Variants in CAMK2D observed in about 807,000 individuals in gnomAD.
The protein encoded by CAMK2D is calcium/calmodulin-dependent protein kinase type II subunit delta.
A neutral mutation model predicts 84.0 loss-of-function variants in CAMK2D; 37 were observed. The ratio of observed to expected loss-of-function variants is 0.44; its 90% CI spans 0.34 to 0.58. CAMK2D has a LOEUF of 0.58. Ranked by LOEUF, CAMK2D falls within the 20% of genes least tolerant of loss-of-function variation. The probability of loss-of-function intolerance (pLI) is 0.02; values close to 1 mark genes in which losing one functional copy is unlikely to be tolerated. For missense variants in CAMK2D, 448 were observed against 652.5 expected (o/e 0.69, Z 3.41); for synonymous variants, 202 against 212.5 (o/e 0.95, Z 0.43).
intron 9 of CAMK2D, among the ~76,000 whole-genome samples, chr4:113,516,934 A>C (rs1204643724): frequency 6.6e-6 from 1 of 152,112 alleles, no homozygotes; most frequent in Non-Finnish European, 1.5e-5. Context: ...CCATAAAGAG[A>C]AAGTAGATAA....
At chr4:113,716,384 T>C (rs995033810) in intron 2 of CAMK2D, among the ~76,000 whole-genome samples, 9 of 152,164 alleles carry the variant, frequency 5.9e-5, no homozygotes, top group African/African-American at 2.2e-4. Flanking sequence ...GCATGGTGGC[T>C]CACACCTGAA....
chr4:113,627,147 G>A (rs1255660449), intron 3 of CAMK2D, among the ~76,000 whole-genome samples: 5 of 152,010 alleles, frequency 3.3e-5, no homozygotes, highest in Non-Finnish European at 7.4e-5. Flanking sequence ...AAAAAAAGCA[G>A]AGAAAAAATA....
At chr4:113,748,917 T>C (rs1264701393) in intron 2 of CAMK2D, among the ~76,000 whole-genome samples, 2 of 151,888 alleles carry the variant, frequency 1.3e-5, no homozygotes, top group African/African-American at 4.8e-5. Flanking sequence ...TGTCTGAAGT[T>C]TGTAATTCTA....
At chr4:113,677,659 G>C (rs192625184) in intron 2 of CAMK2D, 1 of 279,050 alleles carries the variant, frequency 3.6e-6, no homozygotes, top group Non-Finnish European at 5.4e-6. Flanking sequence ...GAACTGAGTA[G>C]ATTCTAGTAA....
intron 2 of CAMK2D, among the ~76,000 whole-genome samples, chr4:113,720,366 TCACACACA>T (rs70961845): frequency 4.7e-5 from 7 of 148,554 alleles, no homozygotes; most frequent in African/African-American, 1.7e-4. Flanking sequence ...AATCACATTC[TCACACACA>T]CACACACACA....
At chr4:113,618,442 A>AT (rs2099030798) in intron 3 of CAMK2D, among the ~76,000 whole-genome samples, 1 of 152,112 alleles carries the variant, frequency 6.6e-6, no homozygotes, top group South Asian at 2.1e-4. Context: ...TTGCAACTGT[A>AT]TTTTCCCTAG....
intron 2 of CAMK2D, among the ~76,000 whole-genome samples, chr4:113,713,306 G>A (rs1032863499): frequency 5.9e-5 from 9 of 151,480 alleles, no homozygotes; most frequent in Admixed American, 5.9e-4. Flanking sequence ...ATTATCAAAT[G>A]GTTTTCAAAG....
intron 2 of CAMK2D, among the ~76,000 whole-genome samples, chr4:113,707,913 G>A (rs1055155835): frequency 2.0e-5 from 3 of 152,106 alleles, no homozygotes; most frequent in Non-Finnish European, 2.9e-5. Flanking sequence ...CAATTCTCTG[G>A]AATATTAGAG....
At chr4:113,647,996 G>A (rs6533704) in intron 3 of CAMK2D, among the ~76,000 whole-genome samples, 73,551 of 152,032 alleles carry the variant, frequency 0.48, 18,991 homozygotes, top group African/African-American at 0.65. Context: ...AATTATTTGG[G>A]AGAAGGAGAT....
intron 3 of CAMK2D, among the ~76,000 whole-genome samples, chr4:113,635,627 T>C (rs1017197813): frequency 3.9e-5 from 6 of 152,186 alleles, no homozygotes; most frequent in African/African-American, 1.4e-4. Context: ...TGTTAGTATG[T>C]TAAATACTTG....
chr4:113,705,358 G>T (rs1309843014), intron 2 of CAMK2D, among the ~76,000 whole-genome samples: 1 of 149,752 alleles, frequency 6.7e-6, no homozygotes, highest in Non-Finnish European at 1.5e-5. Context: ...AGTGGTAAAT[G>T]GAGCCTAGCA....
At chr4:113,455,132 C>T (rs2097289646) in intron 20 of CAMK2D, among the ~76,000 whole-genome samples, 1 of 152,160 alleles carries the variant, frequency 6.6e-6, no homozygotes, top group African/African-American at 2.4e-5. Context: ...TAACCCAAGT[C>T]TAAGAAACAA....
chr4:113,691,612 A>G (rs2099387349), intron 2 of CAMK2D, among the ~76,000 whole-genome samples: 1 of 151,920 alleles, frequency 6.6e-6, no homozygotes, highest in African/African-American at 2.4e-5. Flanking sequence ...AATTAGCCAG[A>G]CATTGTGTCG....
At chr4:113,510,325 A>G (rs970278620) in intron 12 of CAMK2D, among the ~76,000 whole-genome samples, 3 of 152,234 alleles carry the variant, frequency 2.0e-5, no homozygotes, top group African/African-American at 7.2e-5. Context: ...TCAGAATACA[A>G]AGGCTTCATA....
intron 2 of CAMK2D, among the ~76,000 whole-genome samples, chr4:113,706,578 T>C (rs1360471569): frequency 1.2e-4 from 19 of 152,182 alleles, no homozygotes; most frequent in Admixed American, 1.2e-3. Context: ...CTCACTATTT[T>C]AACAAAATAT....
At chr4:113,529,728 C>A (rs2098445475) in intron 8 of CAMK2D, among the ~76,000 whole-genome samples, 1 of 152,154 alleles carries the variant, frequency 6.6e-6, no homozygotes, top group Admixed American at 6.6e-5. Flanking sequence ...CTGATAGAGG[C>A]CTAAATCAGA....
intron 16 of CAMK2D, among the ~76,000 whole-genome samples, chr4:113,466,367 CA>C (rs1211851580): frequency 8.6e-5 from 13 of 152,006 alleles, no homozygotes; most frequent in Non-Finnish European, 1.5e-5. Flanking sequence ...TCATAGTTAA[CA>C]AGTGTTATTA....
intron 16 of CAMK2D, among the ~76,000 whole-genome samples, chr4:113,490,966 T>C (rs77071783): frequency 0.062 from 4,408 of 71,202 alleles, 77 homozygotes; most frequent in Middle Eastern, 0.079. Flanking sequence ...TGTATAAGAA[T>C]GCTTGTGATT....
At chr4:113,677,956 A>G (rs1481833345) in intron 2 of CAMK2D, among the ~76,000 whole-genome samples, 1 of 152,172 alleles carries the variant, frequency 6.6e-6, no homozygotes, top group Non-Finnish European at 1.5e-5. Context: ...ACTATGCAAT[A>G]ATAGCTATGT....
Sources: allele counts gnomAD v4.1 joint callset (sites outside exome capture counted in the v4.1 genomes callset), GRCh38; gene constraint gnomAD v4.1.1; transcripts MANE v1.5; gene names NCBI Gene and HGNC (gene_info 2026-07-23, HGNC 2026-07-21).